PXK: variants seen among roughly 807,000 people sequenced by gnomAD.
PXK encodes the protein PX domain containing serine/threonine kinase like.
In PXK, 35 loss-of-function variants were observed where a neutral mutation model predicts 84.7. The observed-to-expected ratio is 0.41, with a 90% confidence interval of 0.32 to 0.55. The LOEUF (loss-of-function observed/expected upper bound fraction) is 0.55, where lower values mean the gene tolerates loss of function less well. Ranked by LOEUF, PXK falls within the 20% of genes least tolerant of loss-of-function variation. PXK has a pLI of 0.21. For missense variants in PXK, 634 were observed against 699.7 expected, an observed-to-expected ratio of 0.91 and a Z score of 1.06; for synonymous variants, 253 against 260.8, an observed-to-expected ratio of 0.97 and a Z score of 0.29.
At chr3:58,367,723 C>T (rs1449944139) in intron 2 of PXK, among the ~76,000 whole-genome samples, 1 of 152,152 alleles carries the variant, frequency 6.6e-6, no homozygotes, top group African/African-American at 2.4e-5. Flanking sequence ...TGCTCTGTGG[C>T]CCAGACTGGA....
At chr3:58,361,042 A>G (rs1475314155) in intron 1 of PXK, among the ~76,000 whole-genome samples, 1 of 151,730 alleles carries the variant, frequency 6.6e-6, no homozygotes, top group Non-Finnish European at 1.5e-5. Context: ...CACGCCTGTA[A>G]TCCTGGCACT....
At chr3:58,418,448 T>C (rs760057751) in intron 17 of PXK, among the ~76,000 whole-genome samples, 1 of 152,194 alleles carries the variant, frequency 6.6e-6, no homozygotes, top group Non-Finnish European at 1.5e-5. Flanking sequence ...CATTGATGTA[T>C]TGAGTGCCTG....
At chr3:58,334,289 C>A (rs2107578884) in intron 1 of PXK, among the ~76,000 whole-genome samples, 1 of 152,228 alleles carries the variant, frequency 6.6e-6, no homozygotes, top group East Asian at 1.9e-4. Context: ...AAATTATTAT[C>A]TTTTTAAAAA....
chr3:58,342,503 T>C (rs2107778002), intron 1 of PXK, among the ~76,000 whole-genome samples: 1 of 151,990 alleles, frequency 6.6e-6, no homozygotes, highest in East Asian at 1.9e-4. Flanking sequence ...GGTAAGGTAG[T>C]GCATGCCTGT....
chr3:58,384,952 C>T lies in PXK; in HGVS notation c.388+2252C>T, dbSNP rs191067129. Among the ~76,000 whole-genome samples, 373 of 152,286 alleles carry T rather than the reference C, an allele frequency of 2.4e-3. 1 individual carries two copies. Among genetic ancestry groups the T allele is most frequent in the Non-Finnish European group, 3.7e-3 (255 of 68,030 alleles). On this transcript the variant is annotated intron_variant, in intron 4 of 17. Coordinates refer to ENST00000356151, the MANE Select transcript of PXK (RefSeq NM_017771.5). ...CATGAATGAGTTCACCTAAGGCCCC[C>T]AGAGAGGGAGGGCCCTAGCCAGGAT... is the stretch of plus-strand genomic sequence containing the variant.
chr3:58,391,725 C>G, intron 6 of PXK, 48 bp from the exon 7 acceptor site: 1 of 1,512,606 alleles, frequency 6.6e-7, no homozygotes, highest in Non-Finnish European at 9.2e-7. Flanking sequence ...AGGAATTTTT[C>G]TTTTGGTGAC....
chr3:58,400,221 A>G lies in PXK; in HGVS notation c.1181+844A>G, dbSNP rs997819863. On this transcript the variant is annotated intron_variant, in intron 12 of 17. Transcript: ENST00000356151. The surrounding 1 kb of genome is among the most constrained non-coding windows in gnomAD (Gnocchi z 4.0). ...AGGATTTAATGAGGTGATTCCTAGTAGGGACCCGGCACTTAATATGTGCTC... is the reference window on the plus strand; with the variant it reads ...AGGATTTAATGAGGTGATTCCTAGTGGGGACCCGGCACTTAATATGTGCTC... 2.0e-5 allele frequency among the ~76,000 whole-genome samples: 3 copies of G among 152,276 alleles called. No homozygotes were observed. The highest frequency in any genetic ancestry group is 3.4e-3 in the Middle Eastern group (1 of 294).
intron 1 of PXK, among the ~76,000 whole-genome samples, chr3:58,354,464 TG>T (rs2098022457): frequency 6.6e-6 from 1 of 151,340 alleles, no homozygotes; most frequent in Non-Finnish European, 1.5e-5. Flanking sequence ...TTTTTTTTTT[TG>T]AGACTGAGTC....
intron 1 of PXK, among the ~76,000 whole-genome samples, chr3:58,340,369 CA>C (rs1290570374): frequency 6.6e-6 from 1 of 151,316 alleles, no homozygotes; most frequent in African/African-American, 2.4e-5. Flanking sequence ...GTGATCCTCC[CA>C]CCTTGGCCTC....
At chr3:58,381,014 C>T (rs1446435388) in intron 3 of PXK, among the ~76,000 whole-genome samples, 1 of 151,844 alleles carries the variant, frequency 6.6e-6, no homozygotes, top group African/African-American at 2.4e-5. Context: ...TTTGGGAGGC[C>T]GAGGTGGGTG....
chr3:58,374,061 G>C (rs1339527937), intron 3 of PXK, among the ~76,000 whole-genome samples: 1 of 142,602 alleles, frequency 7.0e-6, no homozygotes, highest in East Asian at 2.0e-4. Context: ...AAAAAAAAAA[G>C]TTTTCCCTCC....
chr3:58,420,854 T>A, intron 17 of PXK: 1 of 1,229,234 alleles, frequency 8.1e-7, no homozygotes, highest in Non-Finnish European at 1.0e-6. Context: ...TGCATGGCAT[T>A]TTGGTATATT....
At chr3:58,422,459 T>C (rs989330139) in intron 17 of PXK, 1 of 985,410 alleles carries the variant, frequency 1.0e-6, no homozygotes, top group Non-Finnish European at 1.2e-6. Flanking sequence ...GTCCTTTCGT[T>C]CCATCTGCTT....
rs188932671 is a variant in PXK, at chr3:58,398,078, G to A, written c.1102+356G>A. Among the ~76,000 whole-genome samples, 2 of 152,282 alleles carry A rather than the reference G, an allele frequency of 1.3e-5. No individual in the cohort carries two copies. Among genetic ancestry groups the A allele is most frequent in the East Asian group, 1.9e-4 (1 of 5,178 alleles). ...TTGAGGACCCAGGCAGGTGTCAGAC[G>A]TCAGATCAAGACTGAAGTGAGACTT... On this transcript the variant is annotated intron_variant, in intron 11 of 17. Transcript: ENST00000356151. This position sits in a 1 kb window ranked among gnomAD's most constrained non-coding sequence, Gnocchi z 4.5.
At chr3:58,417,603 C>T (rs62258135) in intron 17 of PXK, among the ~76,000 whole-genome samples, 45,052 of 152,040 alleles carry the variant, frequency 0.3, 7,427 homozygotes, top group Middle Eastern at 0.39. Context: ...TTTGCTGAGA[C>T]CCCTGTTTTT....
intron 7 of PXK, among the ~76,000 whole-genome samples, chr3:58,393,486 A>AT (rs901895218): frequency 9.2e-5 from 14 of 151,750 alleles, no homozygotes; most frequent in Admixed American, 5.3e-4. Flanking sequence ...TTAAAACCTG[A>AT]TTTTTTTTTC....
Position 58,385,759 on chromosome 3 carries a change from A to G in PXK, c.388+3059A>G, listed in dbSNP as rs6445976. On this transcript the variant is annotated intron_variant, in intron 4 of 17. Coordinates refer to ENST00000356151, the MANE Select transcript of PXK (RefSeq NM_017771.5). The surrounding 1 kb of genome is among the most constrained non-coding windows in gnomAD (Gnocchi z 5.1). ...AATGATCTGCCCACCTCAGCCTCCC[A>G]AAGTGCTGGGATTACAGGCATGAGC... Among the ~76,000 whole-genome samples the G allele has an allele frequency of 0.98, 149,203 of 152,186 alleles. 73,199 individuals are homozygous for G. The highest frequency in any genetic ancestry group is 1 in the East Asian group (5,168 of 5,168).
At chr3:58,357,534 G>A (rs1035304649) in intron 1 of PXK, among the ~76,000 whole-genome samples, 27 of 152,190 alleles carry the variant, frequency 1.8e-4, no homozygotes, top group Admixed American at 9.8e-4. Context: ...ACTATAAAAA[G>A]CAGTAGGTTT....
chr3:58,378,625 C>T (rs573840839), intron 3 of PXK, among the ~76,000 whole-genome samples: 13 of 150,000 alleles, frequency 8.7e-5, no homozygotes, highest in Middle Eastern at 3.4e-3. Context: ...ACCTCTGCCT[C>T]CCAGGTTCAA....
Sources: gnomAD v4.1 joint callset for allele counts (sites outside exome capture counted in the v4.1 genomes callset) on GRCh38, gnomAD v4.1.1 for gene constraint, Gnocchi (gnomAD v3.1) non-coding constraint, MANE v1.5 for transcripts, NCBI Gene and HGNC (gene_info 2026-07-23, HGNC 2026-07-21) for gene names.